Variants in RBFOX1 observed in about 807,000 individuals in gnomAD.
The protein encoded by RBFOX1 is RNA binding protein fox-1 homolog 1.
Under a neutral mutation model 57.7 loss-of-function variants are expected in RBFOX1, and 8 were observed. The observed-to-expected ratio is 0.14, with a 90% CI of 0.08 to 0.25. The LOEUF is 0.25. RBFOX1 is among the 10% of genes least tolerant of loss of function. The probability of loss-of-function intolerance (pLI) is 1.00; values close to 1 mark genes in which losing one functional copy is unlikely to be tolerated. For synonymous variants in RBFOX1, 326 were observed against 222.4 expected, an observed-to-expected ratio of 1.47 and a Z score of -4.15; for missense variants, 611 against 548.5, an observed-to-expected ratio of 1.11 and a Z score of -1.14.
At chr16:7,294,620 A>T (rs556764191) in intron 4 of RBFOX1, among the ~76,000 whole-genome samples, 2 of 152,270 alleles carry the variant, frequency 1.3e-5, no homozygotes, top group South Asian at 4.2e-4. Flanking sequence ...CTAATTGAGT[A>T]AGGACAAGAA....
chr16:7,565,891 G>A (rs933184939), intron 5 of RBFOX1, among the ~76,000 whole-genome samples: 3 of 152,236 alleles, frequency 2.0e-5, no homozygotes, highest in East Asian at 1.9e-4. Context: ...CATTCATGTC[G>A]TGTCTTGGGT....
intron 10 of RBFOX1, among the ~76,000 whole-genome samples, chr16:7,627,198 A>T (rs1174777366): frequency 1.3e-5 from 2 of 151,868 alleles, no homozygotes; most frequent in Non-Finnish European, 2.9e-5. Flanking sequence ...AAAAAAAAAA[A>T]AAAAGTCAAT....
chr16:5,402,274 C>T (rs911810886), intron 1 of RBFOX1, among the ~76,000 whole-genome samples: 9 of 152,138 alleles, frequency 5.9e-5, no homozygotes, highest in African/African-American at 1.4e-4. Flanking sequence ...CAGAGCTCTC[C>T]TCCTCGCCTC....
At chr16:5,785,160 C>T (rs1442998532) in intron 3 of RBFOX1, among the ~76,000 whole-genome samples, 11 of 152,136 alleles carry the variant, frequency 7.2e-5, no homozygotes, top group East Asian at 1.9e-4. Context: ...GTTAAAGAGA[C>T]GGGACATTCA....
At chr16:7,502,549 G>T (rs955361260) in intron 4 of RBFOX1, among the ~76,000 whole-genome samples, 3 of 152,088 alleles carry the variant, frequency 2.0e-5, no homozygotes, top group African/African-American at 7.2e-5. Context: ...TAGAAGATAT[G>T]TTGATTCATG....
chr16:5,827,950 C>CACCCACCT (rs2056130699), intron 3 of RBFOX1, among the ~76,000 whole-genome samples: 2 of 144,512 alleles, frequency 1.4e-5, no homozygotes, highest in Non-Finnish European at 3.0e-5. Context: ...CCCACCCACC[C>CACCCACCT]ACCCACCTAT....
At chr16:6,538,784 G>A (rs760372503) in intron 2 of RBFOX1, among the ~76,000 whole-genome samples, 11 of 152,076 alleles carry the variant, frequency 7.2e-5, no homozygotes, top group Non-Finnish European at 1.2e-4. Context: ...CTTCTTCCAG[G>A]GCCTCTGTCT....
At chr16:6,373,104 G>A (rs557208757) in intron 2 of RBFOX1, among the ~76,000 whole-genome samples, 98 of 151,838 alleles carry the variant, frequency 6.5e-4, no homozygotes, top group African/African-American at 2.2e-3. Context: ...TTGTTGGGTG[G>A]AATGGAGATT....
chr16:6,805,838 C>G (rs946773298), intron 3 of RBFOX1, among the ~76,000 whole-genome samples: 4 of 152,186 alleles, frequency 2.6e-5, no homozygotes, highest in Non-Finnish European at 5.9e-5. Flanking sequence ...CATCTATCTC[C>G]GCCTTTCTCC....
At position 7,017,452 on chromosome 16, in the gene RBFOX1, C is replaced by T. The variant is rs180857792; in HGVS notation, c.-15-34605C>T. On this transcript the variant is annotated intron_variant, in intron 3 of 15. Transcript: ENST00000550418. ...CTTGGCCCCAAACCTTAGCATGCAA[C>T]GCACACACTGACGCGCGCACACATG... 3.1e-4 allele frequency among the ~76,000 whole-genome samples: 47 copies of T among 152,298 alleles called. No individual in the cohort carries two copies. The East Asian group carries it at 5.4e-3, about 18-fold the overall frequency.
At chr16:6,121,473 C>A (rs1414912571) in intron 1 of RBFOX1, among the ~76,000 whole-genome samples, 1 of 152,168 alleles carries the variant, frequency 6.6e-6, no homozygotes, top group Non-Finnish European at 1.5e-5. Context: ...AGGCCACTGC[C>A]CGTACCCAGT....
At chr16:6,717,382 A>G (rs561964316) in intron 3 of RBFOX1, among the ~76,000 whole-genome samples, 2 of 152,190 alleles carry the variant, frequency 1.3e-5, no homozygotes, top group Non-Finnish European at 2.9e-5. Context: ...TCAACTGTGC[A>G]TCTTCCTACA....
chr16:7,351,879 C>T (rs571140173), intron 4 of RBFOX1, among the ~76,000 whole-genome samples: 3 of 152,172 alleles, frequency 2.0e-5, no homozygotes, highest in Non-Finnish European at 4.4e-5. Flanking sequence ...CAGCAGCTGT[C>T]TTTCTGATCT....
At position 6,963,632 on chromosome 16, in the gene RBFOX1, G is replaced by A. The variant is rs567450116; in HGVS notation, c.-15-88425G>A. 1.9e-3 allele frequency among the ~76,000 whole-genome samples: 289 copies of A among 152,272 alleles called. 1 individual carries two copies. The highest frequency in any genetic ancestry group is 6.7e-3 in the African/African-American group (278 of 41,566). The stretch of plus-strand genomic sequence containing the variant: ...CTGTGGGGATAGTAAAAAGATCCAG[G>A]GGTGCCAGAGATTATGTGGGAGGGA... On this transcript the variant is annotated intron_variant, in intron 3 of 15. Transcript: ENST00000550418.
At chr16:6,063,507 C>CCA (rs775931095) in intron 1 of RBFOX1, among the ~76,000 whole-genome samples, 1 of 47,128 alleles carries the variant, frequency 2.1e-5, no homozygotes, top group African/African-American at 5.5e-5. Context: ...ACACACACAC[C>CCA]CCCTTATATT....
intron 3 of RBFOX1, among the ~76,000 whole-genome samples, chr16:6,663,642 A>C (rs1220367858): frequency 6.6e-6 from 1 of 152,256 alleles, no homozygotes; most frequent in South Asian, 2.1e-4. Context: ...TGAGACTCAC[A>C]GAGTCCCCTG....
chr16:6,336,558 G>A (rs1037889275), intron 2 of RBFOX1, among the ~76,000 whole-genome samples: 3 of 152,092 alleles, frequency 2.0e-5, no homozygotes, highest in African/African-American at 7.2e-5. Flanking sequence ...AATCTAGAGA[G>A]GGCTGGATGT....
At chr16:5,286,908 C>A (rs923895940) in intron 1 of RBFOX1, among the ~76,000 whole-genome samples, 5 of 152,176 alleles carry the variant, frequency 3.3e-5, no homozygotes, top group Admixed American at 6.5e-5. Context: ...CTATAGTTTG[C>A]CAACCCTGTT....
intron 1 of RBFOX1, among the ~76,000 whole-genome samples, chr16:6,261,137 C>T (rs1216623878): frequency 1.3e-5 from 2 of 152,160 alleles, no homozygotes; most frequent in East Asian, 1.9e-4. Flanking sequence ...CCACAAATTA[C>T]AGTCACTTTC....
Sources: allele counts gnomAD v4.1 joint callset (sites outside exome capture counted in the v4.1 genomes callset), GRCh38; gene constraint gnomAD v4.1.1; transcripts MANE v1.5; gene names NCBI Gene and HGNC (gene_info 2026-07-23, HGNC 2026-07-21).